Variants in TMEM132D observed in about 807,000 individuals in gnomAD.
TMEM132D encodes transmembrane protein 132D.
A neutral mutation model predicts 62.3 loss-of-function variants in TMEM132D; 21 were observed. The observed-to-expected ratio is 0.34, with a 90% confidence interval of 0.24 to 0.49. The LOEUF is 0.49. Ranked by LOEUF, TMEM132D falls within the 20% of genes least tolerant of loss-of-function variation. The pLI is 0.99. For missense variants in TMEM132D, 1,346 were observed against 1,402.8 expected (o/e 0.96, Z 0.65); for synonymous variants, 621 against 575.6 (o/e 1.08, Z -1.13).
intron 5 of TMEM132D, among the ~76,000 whole-genome samples, chr12:129,144,989 T>A (rs1396419399): frequency 6.6e-6 from 1 of 152,180 alleles, no homozygotes; most frequent in Admixed American, 6.5e-5. Flanking sequence ...TAGTTTTTCA[T>A]GCAGTAATAT....
intron 3 of TMEM132D, among the ~76,000 whole-genome samples, chr12:129,453,575 C>G (rs1334148089): frequency 1.3e-5 from 2 of 152,180 alleles, no homozygotes; most frequent in African/African-American, 4.8e-5. Flanking sequence ...TGGCTGGACC[C>G]AAAGGTTCTG....
intron 3 of TMEM132D, among the ~76,000 whole-genome samples, chr12:129,435,662 C>G (rs937462308): frequency 2.0e-5 from 3 of 152,130 alleles, no homozygotes; most frequent in African/African-American, 7.2e-5. Context: ...TGATGAATCC[C>G]AAGCCTAGTT....
chr12:129,773,034 G>A (rs938088648), intron 1 of TMEM132D, among the ~76,000 whole-genome samples: 1 of 152,130 alleles, frequency 6.6e-6, no homozygotes, highest in African/African-American at 2.4e-5. Flanking sequence ...AAGAGTCAGC[G>A]GTTTGTTAGA....
rs2137227151 is a variant in TMEM132D at position 129,700,402 on chromosome 12, T to C, written c.376A>G (p.Asn126Asp). The C allele has an allele frequency of 1.2e-6, 2 of 1,614,118 alleles. No homozygotes were observed. The highest frequency in any genetic ancestry group is 1.7e-6 in the Non-Finnish European group (2 of 1,180,016). The change falls in exon 2 of 9, where the codon AAC becomes GAC. Residue 126 changes from asparagine (N) to aspartate (D), a missense_variant. Asn to Asp is a conservative substitution (Grantham distance 23). Transcript: ENST00000422113. ...PFGFTNKFSL[N>D]WKLKAHILRD... Reference sequence around the variant, plus strand: ...AGGATGTGGGCTTTTAGTTTCCAGTTAAGAGAAAATTTGTTGGTGAATCCA... The same window carrying C: ...AGGATGTGGGCTTTTAGTTTCCAGTCAAGAGAAAATTTGTTGGTGAATCCA...
At chr12:129,805,781 G>T (rs575363509) in intron 1 of TMEM132D, among the ~76,000 whole-genome samples, 151 of 146,636 alleles carry the variant, frequency 1.0e-3, no homozygotes, top group Admixed American at 2.8e-3. Context: ...GAAAATTTTC[G>T]CAACCTACTC....
At chr12:129,881,093 C>G (rs866801503) in intron 1 of TMEM132D, among the ~76,000 whole-genome samples, 1 of 151,928 alleles carries the variant, frequency 6.6e-6, no homozygotes. Context: ...TTCCAAATAA[C>G]CAATAACACT....
At chr12:129,640,345 T>C (rs1226934565) in intron 2 of TMEM132D, among the ~76,000 whole-genome samples, 2 of 152,194 alleles carry the variant, frequency 1.3e-5, no homozygotes, top group Middle Eastern at 3.4e-3. Context: ...CAAAAACAAA[T>C]ATGCTTCATA....
chr12:129,276,021 G>C (rs561353743), intron 4 of TMEM132D, among the ~76,000 whole-genome samples: 1 of 143,804 alleles, frequency 7.0e-6, no homozygotes, highest in South Asian at 2.4e-4. Context: ...TTCCAGGCAC[G>C]TGGATGCACA....
At chr12:129,148,704 T>C (rs907249297) in intron 5 of TMEM132D, among the ~76,000 whole-genome samples, 1 of 152,164 alleles carries the variant, frequency 6.6e-6, no homozygotes, top group Non-Finnish European at 1.5e-5. Flanking sequence ...ACAGCAGCAA[T>C]AGGAATTGAA....
chr12:129,703,683 T>A (rs1332694987), intron 1 of TMEM132D, among the ~76,000 whole-genome samples: 1 of 152,164 alleles, frequency 6.6e-6, no homozygotes. Flanking sequence ...GGACAAAAAT[T>A]ACTTTTTGAT....
chr12:129,480,163 A>G (rs1874385365), intron 3 of TMEM132D, among the ~76,000 whole-genome samples: 1 of 152,254 alleles, frequency 6.6e-6, no homozygotes, highest in African/African-American at 2.4e-5. Context: ...GCAGCGGGGA[A>G]TACCAAGTGC....
In TMEM132D at chr12:129,700,634, G is replaced by C. The variant is rs746019893; in HGVS notation, c.144C>G (p.Pro48=). 2 of 1,613,924 alleles carry C rather than the reference G, an allele frequency of 1.2e-6. No homozygotes were observed. The highest frequency in any genetic ancestry group is 1.7e-6 in the Non-Finnish European group (2 of 1,179,996). Residue 48 remains proline (P), a synonymous_variant, in exon 2 of 9, where the codon CCC becomes CCG. Coordinates refer to ENST00000422113, the MANE Select transcript of TMEM132D (RefSeq NM_133448.3). ...CCGCGTTGTTGATGTGGTAGGTCAC[G>C]GGGAGGTAGGTGGGCAGCAAGGAAA... The part of the protein sequence containing the change: ...QRFSLLPTYL[P]VTYHINNADV...
intron 4 of TMEM132D, chr12:129,212,593 T>A (rs574583297): frequency 3.0e-4 from 46 of 152,360 alleles, no homozygotes; most frequent in African/African-American, 1.1e-3. Flanking sequence ...AGCTTCCTTA[T>A]TGCTGCGTGG....
chr12:129,540,289 C>T (rs763196517), intron 2 of TMEM132D, among the ~76,000 whole-genome samples: 3 of 152,066 alleles, frequency 2.0e-5, no homozygotes, highest in Non-Finnish European at 4.4e-5. Flanking sequence ...AGGGGCTGCA[C>T]ACCAGCCAGG....
At chr12:129,296,562 A>G (rs140513365) in intron 4 of TMEM132D, among the ~76,000 whole-genome samples, 16 of 152,294 alleles carry the variant, frequency 1.1e-4, no homozygotes, top group African/African-American at 3.1e-4. Context: ...TCCTCAAGTG[A>G]CAGATAAATC....
intron 3 of TMEM132D, among the ~76,000 whole-genome samples, chr12:129,525,116 G>A (rs1185366971): frequency 2.7e-5 from 4 of 149,138 alleles, no homozygotes; most frequent in Non-Finnish European, 5.9e-5. Flanking sequence ...TAGTAGAGAT[G>A]GGGCTTCACC....
intron 2 of TMEM132D, among the ~76,000 whole-genome samples, chr12:129,570,491 A>C (rs1239985205): frequency 1.3e-5 from 2 of 152,224 alleles, no homozygotes. Context: ...GTTCGTGACC[A>C]AGAAAATTGC....
intron 1 of TMEM132D, among the ~76,000 whole-genome samples, chr12:129,897,259 C>A (rs541758853): frequency 2.0e-5 from 3 of 152,172 alleles, no homozygotes; most frequent in Admixed American, 1.3e-4. Flanking sequence ...TGCTGTCTGG[C>A]GTCAAACATC....
intron 1 of TMEM132D, among the ~76,000 whole-genome samples, chr12:129,759,909 T>C (rs1870294052): frequency 7.1e-6 from 1 of 141,496 alleles, no homozygotes; most frequent in African/African-American, 2.5e-5. Context: ...GCCTTCTTAT[T>C]TGCCTTTTTT....
Sources: allele counts gnomAD v4.1 joint callset (sites outside exome capture counted in the v4.1 genomes callset), GRCh38; gene constraint gnomAD v4.1.1; transcripts MANE v1.5; gene names NCBI Gene and HGNC (gene_info 2026-07-23, HGNC 2026-07-21).